The following SOX6 variants were observed in gnomAD, a reference collection of about 807,000 sequenced individuals.
The protein encoded by SOX6 is SRY-box transcription factor 6.
A neutral mutation model predicts 97.8 loss-of-function variants in SOX6; 11 were observed. That is an observed-to-expected ratio of 0.11 (90% CI 0.07 to 0.19). The LOEUF (loss-of-function observed/expected upper bound fraction) is 0.19, where lower values mean the gene tolerates loss of function less well. SOX6 is among the 10% of genes least tolerant of loss of function. SOX6 has a pLI of 1.00. For missense variants in SOX6, 810 were observed against 1,039.5 expected, an observed-to-expected ratio of 0.78 and a Z score of 3.04; for synonymous variants, 360 against 371.4, an observed-to-expected ratio of 0.97 and a Z score of 0.35.
At chr11:16,330,456 C>A (rs1590130923) in intron 2 of SOX6, among the ~76,000 whole-genome samples, 1 of 152,250 alleles carries the variant, frequency 6.6e-6, no homozygotes, top group Admixed American at 6.5e-5. Flanking sequence ...TCAGGAGAGG[C>A]TGAGGCAGGA....
intron 7 of SOX6, among the ~76,000 whole-genome samples, chr11:16,099,742 G>A (rs1478439221): frequency 6.8e-6 from 1 of 147,780 alleles, no homozygotes. Flanking sequence ...TGGCTTGCCA[G>A]TTAATTTATT....
chr11:16,128,831 T>A (rs185662217), intron 6 of SOX6, among the ~76,000 whole-genome samples: 1 of 152,114 alleles, frequency 6.6e-6, no homozygotes, highest in East Asian at 1.9e-4. Context: ...GAATTTTCAT[T>A]TTTATTTCCC....
intron 3 of SOX6, among the ~76,000 whole-genome samples, chr11:16,263,038 TTTG>T (rs1284400915): frequency 2.0e-5 from 3 of 151,966 alleles, no homozygotes; most frequent in Admixed American, 1.3e-4. Context: ...TTCACCTGTC[TTTG>T]TCACTGTAAG....
intron 4 of SOX6, among the ~76,000 whole-genome samples, chr11:16,190,682 G>C (rs1851605750): frequency 1.3e-5 from 2 of 152,156 alleles, no homozygotes; most frequent in South Asian, 4.1e-4. Context: ...AATTCCCCCT[G>C]TATTGGGGAT....
At position 16,300,500 on chromosome 11, in the gene SOX6, A is replaced by T. The variant is rs1242084377; in HGVS notation, c.445+17946T>A. ...AAATAAGCAGTGGACACAAATCGTT[A>T]TCCTTACTTACAGCTGCCCCACTCT... On this transcript the variant is annotated intron_variant, in intron 3 of 15. Transcript: ENST00000683767. The surrounding 1 kb of genome is among the most constrained non-coding windows in gnomAD (Gnocchi z 4.1). Among the ~76,000 whole-genome samples the T allele has an allele frequency of 4.6e-5, 7 of 152,226 alleles. No individual in the cohort carries two copies. Among genetic ancestry groups the T allele is most frequent in the Admixed American group, 4.6e-4 (7 of 15,280 alleles).
intron 4 of SOX6, among the ~76,000 whole-genome samples, chr11:16,598,639 G>C (rs1170374048): frequency 6.8e-6 from 1 of 147,896 alleles, no homozygotes; most frequent in Non-Finnish European, 1.5e-5. Context: ...CTGGGAATGA[G>C]TATGCTCTTT....
chr11:15,988,886 G>T, intron 14 of SOX6, 111 bp downstream of exon 14: 4 of 1,103,878 alleles, frequency 3.6e-6, no homozygotes, highest in East Asian at 2.4e-5. Flanking sequence ...TCTAACTTGC[G>T]CCCGCCACAA....
At chr11:16,651,940 C>T (rs1036336583) in intron 3 of SOX6, among the ~76,000 whole-genome samples, 6 of 152,070 alleles carry the variant, frequency 3.9e-5, no homozygotes, top group African/African-American at 1.4e-4. Context: ...AATTTATGTA[C>T]ACAAATCATT....
chr11:16,181,559 CAA>C (rs5789942), intron 6 of SOX6, among the ~76,000 whole-genome samples: 68,845 of 137,588 alleles, frequency 0.5, 16,276 homozygotes, highest in Middle Eastern at 0.68. Context: ...TTTCCCCTTC[CAA>C]AAAAAAAAAA....
chr11:16,118,151 C>A (rs1849399420), intron 6 of SOX6, among the ~76,000 whole-genome samples: 1 of 152,158 alleles, frequency 6.6e-6, no homozygotes, highest in African/African-American at 2.4e-5. Flanking sequence ...CACTATCTGG[C>A]TGGGTATGTA....
intron 3 of SOX6, among the ~76,000 whole-genome samples, chr11:16,630,624 T>G (rs1327714458): frequency 6.6e-6 from 1 of 151,998 alleles, no homozygotes; most frequent in East Asian, 1.9e-4. Context: ...AAGTGACAAG[T>G]TTAAGTCTAA....
At chr11:16,134,292 T>C (rs1849897406) in intron 6 of SOX6, among the ~76,000 whole-genome samples, 1 of 152,218 alleles carries the variant, frequency 6.6e-6, no homozygotes, top group Non-Finnish European at 1.5e-5. Context: ...TTGTTCCATA[T>C]TGCCTAATGA....
At chr11:16,018,395 G>A (rs1054941156) in intron 12 of SOX6, among the ~76,000 whole-genome samples, 10 of 151,988 alleles carry the variant, frequency 6.6e-5, no homozygotes, top group Non-Finnish European at 1.2e-4. Flanking sequence ...CTTTGCATGG[G>A]TGGAGAGAGA....
intron 4 of SOX6, among the ~76,000 whole-genome samples, chr11:16,561,688 CTCTT>C (rs1470698766): frequency 6.6e-6 from 1 of 152,092 alleles, no homozygotes; most frequent in Non-Finnish European, 1.5e-5. Flanking sequence ...GTTACCAAGA[CTCTT>C]TCAGGGGTCT....
At chr11:16,204,105 TTTA>T (rs1310399656) in intron 4 of SOX6, among the ~76,000 whole-genome samples, 1 of 151,950 alleles carries the variant, frequency 6.6e-6, no homozygotes, top group Non-Finnish European at 1.5e-5. Flanking sequence ...TACATACAAT[TTTA>T]TTGTCAATTA....
chr11:16,141,429 C>T (rs1850137540), intron 6 of SOX6, among the ~76,000 whole-genome samples: 1 of 152,134 alleles, frequency 6.6e-6, no homozygotes, highest in South Asian at 2.1e-4. Context: ...GTACAGCTCC[C>T]AGCATGAGCA....
chr11:16,052,274 G>T (rs560398146), intron 10 of SOX6, among the ~76,000 whole-genome samples: 6 of 152,188 alleles, frequency 3.9e-5, no homozygotes, highest in Non-Finnish European at 5.9e-5. Context: ...AGCCTGCCCT[G>T]GCCTGACAAC....
chr11:15,968,208 T>C lies in SOX6; in HGVS notation c.*4601A>G, dbSNP rs1853197133. The C allele has an allele frequency of 6.6e-6, 1 of 152,166 alleles. No homozygotes were observed. Among genetic ancestry groups the C allele is most frequent in the Admixed American group, 6.5e-5 (1 of 15,276 alleles). The allele number at this position is 152,166 out of a possible 1,614,324, so 9.4% of individuals were successfully genotyped here. On this transcript the variant is annotated 3_prime_UTR_variant, in exon 16 of 16. Transcript: ENST00000683767. ...GGACAAATGAGGTCATACAATATTA[T>C]TATACTTTGAGAAGTGAGCTTAAGT...
intron 3 of SOX6, among the ~76,000 whole-genome samples, chr11:16,698,448 T>C (rs1848069681): frequency 6.6e-6 from 1 of 152,200 alleles, no homozygotes. Flanking sequence ...TGATCTTCCA[T>C]CTGGACCACT....
Sources: gnomAD v4.1 joint callset for allele counts (sites outside exome capture counted in the v4.1 genomes callset) on GRCh38, gnomAD v4.1.1 for gene constraint, Gnocchi (gnomAD v3.1) non-coding constraint, MANE v1.5 for transcripts, NCBI Gene and HGNC (gene_info 2026-07-23, HGNC 2026-07-21) for gene names.